LIN9: variants seen among roughly 807,000 people sequenced by gnomAD.
LIN9 encodes the protein lin-9 DREAM MuvB core complex component, also known as protein lin-9 homolog.
A neutral mutation model predicts 78.0 loss-of-function variants in LIN9; 18 were observed. The ratio of observed to expected loss-of-function variants is 0.23; its 90% confidence interval spans 0.16 to 0.34. LIN9 has a LOEUF of 0.34. Ranked by LOEUF, LIN9 falls within the 10% of genes least tolerant of loss-of-function variation. The probability of loss-of-function intolerance (pLI) is 1.00; values close to 1 mark genes in which losing one functional copy is unlikely to be tolerated. For missense variants in LIN9, 451 were observed against 644.1 expected, an observed-to-expected ratio of 0.70 and a Z score of 3.25; for synonymous variants, 192 against 215.2, an observed-to-expected ratio of 0.89 and a Z score of 0.94.
Position 226,253,750 on chromosome 1 carries a change from T to A in LIN9, c.1039-2831A>T, listed in dbSNP as rs1659004992. Among the ~76,000 whole-genome samples, 5 of 151,768 alleles carry A rather than the reference T, an allele frequency of 3.3e-5. No individual in the cohort carries two copies. In the South Asian group the frequency reaches 1.0e-3, roughly 32 times the overall value. On this transcript the variant is annotated intron_variant, in intron 10 of 14. Transcript: ENST00000681046. ...GGCCAACATGGTAAAACCCCATCTCTACTAAAAATACAAAATTTAGCCGGC... is the reference window on the plus strand; with the variant it reads ...GGCCAACATGGTAAAACCCCATCTCAACTAAAAATACAAAATTTAGCCGGC...
chr1:226,282,449 T>TA (rs1661125997), intron 6 of LIN9, among the ~76,000 whole-genome samples: 1 of 152,244 alleles, frequency 6.6e-6, no homozygotes, highest in African/African-American at 2.4e-5. Flanking sequence ...TCACCAGTAA[T>TA]ATGTATGAGT....
At chr1:226,262,938 G>A (rs1269846308) in intron 10 of LIN9, among the ~76,000 whole-genome samples, 1 of 152,048 alleles carries the variant, frequency 6.6e-6, no homozygotes, top group Non-Finnish European at 1.5e-5. Flanking sequence ...TCCCGACAAT[G>A]TAATATTACT....
intron 2 of LIN9, among the ~76,000 whole-genome samples, chr1:226,300,309 G>A (rs1027536050): frequency 9.9e-5 from 15 of 152,000 alleles, no homozygotes; most frequent in African/African-American, 3.6e-4. Context: ...TCAGCACTTT[G>A]CAAAGCTGAG....
intron 7 of LIN9, among the ~76,000 whole-genome samples, chr1:226,268,915 C>A (rs1193239736): frequency 6.6e-6 from 1 of 152,182 alleles, no homozygotes. Flanking sequence ...TTCACTGTAA[C>A]AAATCTTACC....
upstream of LIN9, chr1:226,309,382 G>A: frequency 1.0e-6 from 1 of 988,682 alleles, no homozygotes; most frequent in Non-Finnish European, 1.2e-6. Flanking sequence ...CCGGGCGGGA[G>A]GAAGGGAGGA....
intron 10 of LIN9, among the ~76,000 whole-genome samples, chr1:226,256,035 A>G (rs1659167990): frequency 6.6e-6 from 1 of 152,154 alleles, no homozygotes; most frequent in East Asian, 1.9e-4. Flanking sequence ...GAAACACCAC[A>G]AAAACCTCTA....
chr1:226,239,024 G>A lies in LIN9; in HGVS notation c.1192C>T (p.Leu398=). The A allele has an allele frequency of 6.2e-7, 1 of 1,613,624 alleles. No homozygotes were observed. The highest frequency in any genetic ancestry group is 1.7e-5 in the Admixed American group (1 of 59,974). ...YATIVLELEQ[L]NKDLNKVLHK... Reference sequence around the variant, plus strand: ...AAAACTTTGTTTAGGTCCTTGTTCAGCTGTTCAAGCTCCAGAACAATTGTT... The same window carrying A: ...AAAACTTTGTTTAGGTCCTTGTTCAACTGTTCAAGCTCCAGAACAATTGTT... Residue 398 remains leucine (L), a synonymous_variant, in exon 12 of 15, where the codon CTG becomes TTG. Coordinates refer to ENST00000681046, the MANE Select transcript of LIN9 (RefSeq NM_001366245.2).
intron 10 of LIN9, among the ~76,000 whole-genome samples, chr1:226,260,034 A>G (rs1442261383): frequency 1.4e-4 from 21 of 152,170 alleles, no homozygotes; most frequent in Admixed American, 1.4e-3. Flanking sequence ...GAAAAAAGAG[A>G]GAGGACACAA....
At chr1:226,261,888 A>C (rs561120566) in intron 10 of LIN9, among the ~76,000 whole-genome samples, 3 of 152,350 alleles carry the variant, frequency 2.0e-5, no homozygotes, top group African/African-American at 7.2e-5. Context: ...AACCTACAGT[A>C]ATCAAGACAG....
chr1:226,267,272 T>G (rs1659981920), intron 8 of LIN9, among the ~76,000 whole-genome samples: 1 of 148,208 alleles, frequency 6.7e-6, no homozygotes, highest in South Asian at 2.1e-4. Flanking sequence ...AGGAAATATA[T>G]TTACAAAGAC....
chr1:226,309,625 C>A, upstream of LIN9: 1 of 1,268,864 alleles, frequency 7.9e-7, no homozygotes. Context: ...GAAATACTCA[C>A]AGTTCCCGAA....
At chr1:226,233,580 G>T in intron 12 of LIN9, 57 bp from the exon 13 acceptor site, 5 of 1,332,320 alleles carry the variant, frequency 3.8e-6, no homozygotes, top group South Asian at 1.7e-5. Context: ...GATTATTTCT[G>T]TATGTGTTTG....
At chr1:226,249,608 C>A (rs1467300446) in intron 11 of LIN9, among the ~76,000 whole-genome samples, 1 of 151,984 alleles carries the variant, frequency 6.6e-6, no homozygotes, top group Non-Finnish European at 1.5e-5. Flanking sequence ...ACACCTATAC[C>A]CTTATAACAT....
chr1:226,304,791 A>G (rs1406577008), intron 1 of LIN9, among the ~76,000 whole-genome samples: 5 of 152,216 alleles, frequency 3.3e-5, no homozygotes, highest in African/African-American at 2.4e-5. Flanking sequence ...TGGGAATGCA[A>G]TTAAGACAGT....
chr1:226,278,051 G>C, intron 6 of LIN9, 119 bp from the exon 7 acceptor site: 1 of 769,204 alleles, frequency 1.3e-6, no homozygotes, highest in Non-Finnish European at 2.0e-6. Flanking sequence ...GGAGTGCAGT[G>C]GCACAATCTT....
At chr1:226,244,899 T>C (rs1487083828) in intron 11 of LIN9, among the ~76,000 whole-genome samples, 1 of 152,226 alleles carries the variant, frequency 6.6e-6, no homozygotes, top group Non-Finnish European at 1.5e-5. Context: ...ATGCTCCTTC[T>C]TGATGAACAT....
rs66919149 is a variant in LIN9 at position 226,275,692 on chromosome 1, AG to A, written c.682+2082del. 1.8e-3 allele frequency among the ~76,000 whole-genome samples: 215 copies of A among 122,090 alleles called. 32 individuals carry two copies. Among genetic ancestry groups the A allele is most frequent in the Middle Eastern group, 4.4e-3 (1 of 226 alleles). The allele number at this position is 122,090 out of a possible 152,430, so 80.1% of individuals were successfully genotyped here. A position where few individuals can be genotyped will look rare whatever the true frequency, so the allele number is the denominator to read the frequency against. ...TGGCAACAGAGCAAGACTCCGTCTC[AG>A]AAAAAAAAAAAAAAAAAAAGAAAAA... On this transcript the variant is annotated intron_variant, in intron 7 of 14. Transcript: ENST00000681046.
rs368217023 is a variant in LIN9 at position 226,280,878 on chromosome 1, T to C, written c.525-2946A>G. 1.1e-4 allele frequency among the ~76,000 whole-genome samples: 16 copies of C among 151,972 alleles called. No individual in the cohort carries two copies. The East Asian group carries it at 1.3e-3, about 13-fold the overall frequency. ...ACCATTATGGAAATTAGTATGGAGG[T>C]TCCTCAAAAAACTAAAAATCCAGCA... On this transcript the variant is annotated intron_variant, in intron 6 of 14. Transcript: ENST00000681046.
chr1:226,240,191 T>C (rs935414586), intron 11 of LIN9, among the ~76,000 whole-genome samples: 2 of 152,182 alleles, frequency 1.3e-5, no homozygotes, highest in African/African-American at 4.8e-5. Context: ...TACTTAATGA[T>C]GACAACAGAT....
Sources: allele counts gnomAD v4.1 joint callset (sites outside exome capture counted in the v4.1 genomes callset), GRCh38; gene constraint gnomAD v4.1.1; transcripts MANE v1.5; gene names NCBI Gene and HGNC (gene_info 2026-07-23, HGNC 2026-07-21).